Variants in PRKN observed in about 807,000 individuals in gnomAD.
PRKN encodes E3 ubiquitin-protein ligase parkin.
PRKN carries 56 observed loss-of-function variants against 59.5 expected under a neutral mutation model. The ratio of observed to expected loss-of-function variants is 0.94; its 90% CI spans 0.76 to 1.18. The LOEUF is 1.18. PRKN is among the 50% of genes most tolerant of loss of function. The pLI is 0.00. For synonymous variants in PRKN, 250 were observed against 222.1 expected (o/e 1.13, Z -1.12); for missense variants, 657 against 596.4 (o/e 1.10, Z -1.06).
intron 3 of PRKN, among the ~76,000 whole-genome samples, chr6:162,212,686 T>C (rs937313468): frequency 6.6e-6 from 1 of 152,194 alleles, no homozygotes; most frequent in Non-Finnish European, 1.5e-5. Context: ...AAATGTGTCC[T>C]TAGACGATTG....
intron 5 of PRKN, among the ~76,000 whole-genome samples, chr6:162,021,750 A>G (rs1010912982): frequency 2.6e-5 from 4 of 152,046 alleles, no homozygotes. Flanking sequence ...ACATGGGTAT[A>G]TCGTGTGATG....
chr6:162,296,501 T>C (rs1781685127), intron 2 of PRKN, among the ~76,000 whole-genome samples: 1 of 152,046 alleles, frequency 6.6e-6, no homozygotes, highest in Admixed American at 6.6e-5. Context: ...CTGCCTGACT[T>C]CCCACTCTGG....
intron 9 of PRKN, among the ~76,000 whole-genome samples, chr6:161,494,048 G>A (rs1036911233): frequency 6.6e-6 from 1 of 152,168 alleles, no homozygotes; most frequent in African/African-American, 2.4e-5. Flanking sequence ...GACAGAAACT[G>A]AAAAATAATT....
chr6:162,202,449 T>C (rs1784770519), intron 3 of PRKN, among the ~76,000 whole-genome samples: 1 of 152,182 alleles, frequency 6.6e-6, no homozygotes, highest in African/African-American at 2.4e-5. Context: ...AGTTTCATGG[T>C]TTTATCATTT....
At chr6:161,637,388 A>G (rs1435989972) in intron 7 of PRKN, among the ~76,000 whole-genome samples, 1 of 152,184 alleles carries the variant, frequency 6.6e-6, no homozygotes, top group Non-Finnish European at 1.5e-5. Flanking sequence ...GTCAAGAACA[A>G]AATTGTGTAA....
chr6:162,235,259 G>A (rs1484612976), intron 3 of PRKN, among the ~76,000 whole-genome samples: 1 of 152,144 alleles, frequency 6.6e-6, no homozygotes, highest in East Asian at 1.9e-4. Context: ...GTTTCCAGTT[G>A]TGTAATAATT....
intron 4 of PRKN, among the ~76,000 whole-genome samples, chr6:162,125,696 C>A: frequency 6.6e-6 from 1 of 152,132 alleles, no homozygotes; most frequent in East Asian, 1.9e-4. Context: ...TGGCCAAAGT[C>A]ATAAAAGGGT....
At chr6:162,642,386 T>C (rs968626256) in intron 1 of PRKN, among the ~76,000 whole-genome samples, 2 of 152,196 alleles carry the variant, frequency 1.3e-5, no homozygotes, top group Non-Finnish European at 2.9e-5. Context: ...TTAGAAATTA[T>C]TCAGGGATCT....
chr6:161,689,473 T>C (rs1339817581), intron 7 of PRKN, among the ~76,000 whole-genome samples: 1 of 152,202 alleles, frequency 6.6e-6, no homozygotes, highest in African/African-American at 2.4e-5. Flanking sequence ...CAGCACCCTG[T>C]AGGGACTGTC....
intron 9 of PRKN, among the ~76,000 whole-genome samples, chr6:161,500,224 C>T (rs546422309): frequency 1.2e-3 from 186 of 152,232 alleles, no homozygotes; most frequent in African/African-American, 3.7e-3. Flanking sequence ...TCTCCCCTCT[C>T]CCCTATACAT....
intron 6 of PRKN, among the ~76,000 whole-genome samples, chr6:161,966,500 A>T (rs1343454304): frequency 6.6e-6 from 1 of 152,202 alleles, no homozygotes; most frequent in Non-Finnish European, 1.5e-5. Context: ...CCATTTTTAT[A>T]TGACTTAGGC....
At chr6:161,833,131 G>A (rs1792580733) in intron 6 of PRKN, among the ~76,000 whole-genome samples, 1 of 152,122 alleles carries the variant, frequency 6.6e-6, no homozygotes, top group South Asian at 2.1e-4. Flanking sequence ...AGGAGACGGA[G>A]CCCGCTCTAA....
intron 6 of PRKN, among the ~76,000 whole-genome samples, chr6:161,894,573 T>G (rs1421308409): frequency 6.6e-6 from 1 of 152,150 alleles, no homozygotes; most frequent in Non-Finnish European, 1.5e-5. Flanking sequence ...CTTCCTGTTT[T>G]CAAATCGTGC....
chr6:161,860,753 A>G (rs950275822), intron 6 of PRKN, among the ~76,000 whole-genome samples: 2 of 152,190 alleles, frequency 1.3e-5, no homozygotes, highest in Non-Finnish European at 2.9e-5. Flanking sequence ...GTTCAACCCC[A>G]TCAAAAGAGG....
At chr6:162,078,879 AATT>A (rs1778942389) in intron 4 of PRKN, among the ~76,000 whole-genome samples, 1 of 50,682 alleles carries the variant, frequency 2.0e-5, no homozygotes, top group Admixed American at 3.0e-4. Flanking sequence ...AATACTTAAT[AATT>A]AATAAATACT....
chr6:162,475,837 C>T (rs950169356), intron 1 of PRKN, among the ~76,000 whole-genome samples: 38 of 152,336 alleles, frequency 2.5e-4, no homozygotes, highest in Admixed American at 4.6e-4. Flanking sequence ...CTGCAACCTC[C>T]GCCTCCCGGG....
chr6:162,657,625 T>C (rs2128227625), intron 1 of PRKN, among the ~76,000 whole-genome samples: 1 of 152,332 alleles, frequency 6.6e-6, no homozygotes, highest in Admixed American at 6.5e-5. Flanking sequence ...TCAATGATAA[T>C]TTTTAAAAAT....
At chr6:162,142,506 T>C (rs574749308) in intron 4 of PRKN, among the ~76,000 whole-genome samples, 1 of 152,324 alleles carries the variant, frequency 6.6e-6, no homozygotes, top group South Asian at 2.1e-4. Context: ...CTTAGAACTG[T>C]GGTGGGAACA....
At chr6:161,878,411 C>T (rs113035125) in intron 6 of PRKN, among the ~76,000 whole-genome samples, 311 of 152,228 alleles carry the variant, frequency 2.0e-3, no homozygotes, top group African/African-American at 7.2e-3. Flanking sequence ...AATCACCATC[C>T]CCTTTCATCC....
Sources: gnomAD v4.1 joint callset for allele counts (sites outside exome capture counted in the v4.1 genomes callset) on GRCh38, gnomAD v4.1.1 for gene constraint, MANE v1.5 for transcripts, NCBI Gene and HGNC (gene_info 2026-07-23, HGNC 2026-07-21) for gene names.